The following STARD13 variants were observed in gnomAD, a reference collection of about 807,000 sequenced individuals.
The protein encoded by STARD13 is StAR related lipid transfer domain containing 13.
Under a neutral mutation model 106.4 loss-of-function variants are expected in STARD13, and 62 were observed. The ratio of observed to expected loss-of-function variants is 0.58; its 90% confidence interval spans 0.48 to 0.72. STARD13 has a LOEUF of 0.72. Among genes scored for constraint, STARD13 ranks in the 30% least tolerant of loss-of-function variants. The probability of loss-of-function intolerance (pLI) is 0.00; values close to 1 mark genes in which losing one functional copy is unlikely to be tolerated. For synonymous variants in STARD13, 565 were observed against 553.0 expected (o/e 1.02, Z -0.31); for missense variants, 1,387 against 1,424.0 (o/e 0.97, Z 0.42).
At chr13:33,616,620 G>T in the STARD13 span, among the ~76,000 whole-genome samples, 1 of 152,156 alleles carries the variant, frequency 6.6e-6, no homozygotes, top group Non-Finnish European at 1.5e-5. Context: ...TTAGGCACTT[G>T]GGTATTTGTT....
the STARD13 span, among the ~76,000 whole-genome samples, chr13:33,478,153 G>A: frequency 6.6e-6 from 1 of 152,076 alleles, no homozygotes; most frequent in Non-Finnish European, 1.5e-5. Context: ...AGTTGGCTGG[G>A]GAGATGGATC....
In STARD13 at chr13:33,104,495, T is replaced by C. The variant is rs980552142; in HGVS notation, c.*1098A>G. 2 of 152,664 alleles carry C rather than the reference T, an allele frequency of 1.3e-5. No homozygotes were observed. Among genetic ancestry groups the C allele is most frequent in the African/African-American group, 4.8e-5 (2 of 41,460 alleles). 9.5% of individuals were successfully genotyped at this position (152,664 alleles called of 1,614,324 possible). A position where few individuals can be genotyped will look rare whatever the true frequency, so the allele number is the denominator to read the frequency against. ...AGAGTATCCTACACATAACAAAATA[T>C]GAATTCCCTGAAGCTGTAACGATCT... On this transcript the variant is annotated 3_prime_UTR_variant, in exon 14 of 14. Transcript: ENST00000336934.
At chr13:33,350,364 C>T in exon 1 of STARD13, 4 of 1,534,440 alleles carry the variant, frequency 2.6e-6, no homozygotes, top group Non-Finnish European at 2.6e-6. Context: ...CAACTGCTCA[C>T]TGATGGATCT....
At chr13:33,192,535 T>C (rs1325576975) in intron 1 of STARD13, among the ~76,000 whole-genome samples, 3 of 152,198 alleles carry the variant, frequency 2.0e-5, no homozygotes, top group Non-Finnish European at 4.4e-5. Flanking sequence ...TGATATCAGG[T>C]GTCAGATGTG....
the STARD13 span, among the ~76,000 whole-genome samples, chr13:33,465,619 C>T: frequency 5.7e-4 from 87 of 152,302 alleles, 2 homozygotes; most frequent in Non-Finnish European, 5.6e-4. Context: ...ATGGGACTTA[C>T]AGGATCTTTC....
upstream of STARD13, among the ~76,000 whole-genome samples, chr13:33,287,292 G>T (rs577850540): frequency 2.6e-5 from 4 of 152,332 alleles, no homozygotes; most frequent in South Asian, 8.3e-4. Context: ...CTGAGAAGCA[G>T]CTCGTCTTGT....
At chr13:33,466,365 G>A in the STARD13 span, among the ~76,000 whole-genome samples, 2 of 152,106 alleles carry the variant, frequency 1.3e-5, no homozygotes, top group African/African-American at 2.4e-5. Flanking sequence ...AGAGACTAGT[G>A]TAATAAAATA....
the STARD13 span, among the ~76,000 whole-genome samples, chr13:33,355,991 T>G: frequency 6.6e-6 from 1 of 152,266 alleles, no homozygotes; most frequent in Non-Finnish European, 1.5e-5. Context: ...GTTTCATATT[T>G]TCCTGATGTA....
chr13:33,357,070 A>G, the STARD13 span, among the ~76,000 whole-genome samples: 3 of 152,256 alleles, frequency 2.0e-5, no homozygotes. Context: ...AGGAAAGTTT[A>G]GGGAAAATCT....
chr13:33,196,748 T>C (rs887444146), intron 1 of STARD13, among the ~76,000 whole-genome samples: 7 of 152,126 alleles, frequency 4.6e-5, no homozygotes, highest in Non-Finnish European at 1.0e-4. Context: ...CAGCAATGAG[T>C]AGCCAACAAG....
the STARD13 span, among the ~76,000 whole-genome samples, chr13:33,375,344 A>G: frequency 1.3e-5 from 2 of 152,202 alleles, no homozygotes; most frequent in African/African-American, 4.8e-5. Flanking sequence ...AAGGGAATAG[A>G]TGAGGAGGAA....
the STARD13 span, among the ~76,000 whole-genome samples, chr13:33,425,498 G>C: frequency 6.6e-6 from 1 of 152,084 alleles, no homozygotes; most frequent in East Asian, 1.9e-4. Flanking sequence ...GTGTGCATTT[G>C]GGAAAAAATG....
chr13:33,373,927 C>A, the STARD13 span, among the ~76,000 whole-genome samples: 2 of 152,120 alleles, frequency 1.3e-5, no homozygotes, highest in African/African-American at 4.8e-5. Context: ...TCCAGCAATT[C>A]CACTTCTGAA....
chr13:33,430,004 G>A, the STARD13 span, among the ~76,000 whole-genome samples: 4 of 150,722 alleles, frequency 2.7e-5, no homozygotes, highest in Admixed American at 6.6e-5. Context: ...TGCAAGCTCC[G>A]CCTCCCAGGT....
the STARD13 span, among the ~76,000 whole-genome samples, chr13:33,432,855 A>G: frequency 2.6e-5 from 4 of 152,248 alleles, no homozygotes; most frequent in African/African-American, 7.2e-5. Context: ...AAAATGATTT[A>G]GAAGATGTGG....
chr13:33,655,944 T>C, the STARD13 span, among the ~76,000 whole-genome samples: 1 of 152,082 alleles, frequency 6.6e-6, no homozygotes, highest in Non-Finnish European at 1.5e-5. Flanking sequence ...GCAGAGGTTC[T>C]TAGTGGCAAA....
chr13:33,638,925 T>C, the STARD13 span, among the ~76,000 whole-genome samples: 1 of 152,208 alleles, frequency 6.6e-6, no homozygotes, highest in Non-Finnish European at 1.5e-5. Context: ...ATTCATTCAC[T>C]TACATACTTT....
At chr13:33,613,003 G>A in the STARD13 span, among the ~76,000 whole-genome samples, 1 of 152,126 alleles carries the variant, frequency 6.6e-6, no homozygotes, top group African/African-American at 2.4e-5. Flanking sequence ...TCAAATTGTG[G>A]TATTAAGTTT....
At chr13:33,342,845 C>T (rs1303010644) in intron 1 of STARD13, among the ~76,000 whole-genome samples, 2 of 152,154 alleles carry the variant, frequency 1.3e-5, no homozygotes, top group African/African-American at 2.4e-5. Context: ...AAATTTAGTA[C>T]GTGCGTATGT....
Sources: allele counts gnomAD v4.1 joint callset (sites outside exome capture counted in the v4.1 genomes callset), GRCh38; gene constraint gnomAD v4.1.1; transcripts MANE v1.5; gene names NCBI Gene and HGNC (gene_info 2026-07-23, HGNC 2026-07-21).